Variants in CD22 observed in about 807,000 individuals in gnomAD.
CD22 encodes B-cell receptor CD22.
CD22 carries 51 observed loss-of-function variants against 94.7 expected under a neutral mutation model. That is an observed-to-expected ratio of 0.54 (90% CI 0.43 to 0.68). The LOEUF (loss-of-function observed/expected upper bound fraction) is 0.68. Among genes scored for constraint, CD22 ranks in the 30% least tolerant of loss-of-function variants. The pLI, the probability that CD22 is intolerant of heterozygous loss-of-function variation, is 0.00. For missense variants in CD22, 931 were observed against 1,060.4 expected, an observed-to-expected ratio of 0.88 and a Z score of 1.69; for synonymous variants, 424 against 422.5, an observed-to-expected ratio of 1.00 and a Z score of -0.04.
At position 35,341,238 on chromosome 19, in the gene CD22, AATTGAGGGACAGG is replaced by A. The variant is rs1188434340; in HGVS notation, c.1507+102_1508-91del. The A allele has an allele frequency of 6.3e-7, 1 of 1,597,458 alleles. No homozygotes were observed. Among genetic ancestry groups the A allele is most frequent in the Non-Finnish European group, 8.5e-7 (1 of 1,169,714 alleles). Reference sequence around the variant, plus strand: ...GAGCCTGGGCCAGTGTCTTCAACAGAATTGAGGGACAGGAGCCTGGCGTCAGGGCCAAGGGGAG... The same window carrying A: ...GAGCCTGGGCCAGTGTCTTCAACAGAAGCCTGGCGTCAGGGCCAAGGGGAG... On this transcript the variant is annotated intron_variant, in intron 7 of 13. Coordinates refer to ENST00000085219, the MANE Select transcript of CD22 (RefSeq NM_001771.4). The surrounding 1 kb of genome is among the most constrained non-coding windows in gnomAD (Gnocchi z 4.0).
intron 5 of CD22, 52 bp from the exon 6 acceptor site, chr19:35,338,116 A>G: frequency 6.3e-7 from 1 of 1,576,324 alleles, no homozygotes; most frequent in Non-Finnish European, 8.6e-7. Context: ...CCGTGTGCAC[A>G]GGTTGGGGGT....
chr19:35,341,538 G>A lies in CD22; in HGVS notation c.1703G>A (p.Ser568Asn). 6.2e-7 allele frequency: 1 copy of A among 1,614,132 alleles called. No individual in the cohort carries two copies. Among genetic ancestry groups the A allele is most frequent in the South Asian group, 1.1e-5 (1 of 91,086 alleles). The change falls in exon 8 of 14, where the codon AGT (serine) becomes AAT (asparagine). Residue 568 changes from serine (S) to asparagine (N), a missense_variant. Physicochemically the swap from Ser to Asn is conservative, Grantham distance 46. Coordinates refer to ENST00000085219, the MANE Select transcript of CD22 (RefSeq NM_001771.4). This position sits in a 1 kb window ranked among gnomAD's most constrained non-coding sequence, Gnocchi z 4.0. ...TCCATCTCCCCAGAAGATGCTGGGA[G>A]TTACAGCTGCTGGGTGAACAACTCC... Reference protein sequence around the residue: ...FDSISPEDAGSYSCWVNNSIG... With the variant: ...FDSISPEDAGNYSCWVNNSIG...
intron 6 of CD22, among the ~76,000 whole-genome samples, chr19:35,340,587 C>A (rs1293177860): frequency 1.3e-5 from 2 of 152,136 alleles, no homozygotes; most frequent in Non-Finnish European, 2.9e-5. Context: ...GCCTCAGGAC[C>A]CCATTTGACA....
rs371559984 is a variant in CD22 at position 35,346,202 on chromosome 19, G to A, written c.2379G>A (p.Thr793=). Residue 793 remains threonine (T), a synonymous_variant, in exon 13 of 14, where the codon ACG becomes ACA. Transcript: ENST00000085219. ...GACCTCCCCCGGACTGCGATGACAC[G>A]GTCACTTATTCAGCATTGCACAAGC... ...MQRPPPDCDD[T]VTYSALHKRQ... is the part of the protein sequence containing the mutation. 9 of 1,614,036 alleles carry A rather than the reference G, an allele frequency of 5.6e-6. No individual in the cohort carries two copies. The highest frequency in any genetic ancestry group is 2.7e-5 in the African/African-American group (2 of 75,032).
intron 11 of CD22, 178 bp from the exon 12 acceptor site, chr19:35,345,424 A>C: frequency 3.0e-6 from 1 of 332,452 alleles, no homozygotes; most frequent in Non-Finnish European, 5.5e-6. Context: ...CTGCCTCAAA[A>C]AAAAAAAAAA....
chr19:35,339,548 C>T (rs935898631), intron 6 of CD22, among the ~76,000 whole-genome samples: 1 of 151,166 alleles, frequency 6.6e-6, no homozygotes, highest in African/African-American at 2.4e-5. Flanking sequence ...CTGAGTGAGA[C>T]CTTGTCTCAA....
Position 35,332,097 on chromosome 19 carries a change from G to C in CD22, c.34+23G>C, listed in dbSNP as rs765652015. The C allele has an allele frequency of 3.1e-6, 5 of 1,613,876 alleles. No homozygotes were observed. The Admixed American group carries it at 6.7e-5, about 22-fold the overall frequency. ...TGGGTAAGGACTGTGGCCTGGGCTA[G>C]TACTGGGGTTCTGGGATGTCAGTGG... On this transcript the variant is annotated intron_variant, in intron 2 of 13. Coordinates refer to ENST00000085219, the MANE Select transcript of CD22 (RefSeq NM_001771.4).
chr19:35,337,947 G>A lies in CD22; in HGVS notation c.911G>A (p.Ser304Asn). The A allele has an allele frequency of 6.2e-7, 1 of 1,614,252 alleles. No homozygotes were observed. The change falls in exon 5 of 14, where the codon AGT (serine) becomes AAT (asparagine). Residue 304 changes from serine to asparagine, a missense_variant. Transcript: ENST00000085219. The surrounding 1 kb of genome is among the most constrained non-coding windows in gnomAD (Gnocchi z 4.4). ...CTGCGCGAAGTGACCAAGGACCAGAGTGGGAAGTACTGCTGTCAGGTCTCC... is the reference window on the plus strand; with the variant it reads ...CTGCGCGAAGTGACCAAGGACCAGAATGGGAAGTACTGCTGTCAGGTCTCC... ...LNLREVTKDQ[S>N]GKYCCQVSND...
Position 35,346,123 on chromosome 19 carries a change from G to A in CD22, c.2328-28G>A, listed in dbSNP as rs376786282. Reference sequence around the variant, plus strand: ...AGAGTTCGTGGGAGATGCTTCATGCGTGGTCGTCTATCTGCCCTGTCTCTC... The same window carrying A: ...AGAGTTCGTGGGAGATGCTTCATGCATGGTCGTCTATCTGCCCTGTCTCTC... On this transcript the variant is annotated intron_variant, in intron 12 of 13. Coordinates refer to ENST00000085219, the MANE Select transcript of CD22 (RefSeq NM_001771.4). 9.0e-6 allele frequency: 14 copies of A among 1,559,766 alleles called. No individual in the cohort carries two copies. The African/African-American group carries it at 9.5e-5, about 11-fold the overall frequency.
chr19:35,333,473 T>C (rs748538648), intron 3 of CD22, among the ~76,000 whole-genome samples: 5 of 152,218 alleles, frequency 3.3e-5, no homozygotes, highest in African/African-American at 4.8e-5. Context: ...CACCCCTACA[T>C]GTGCAGTGCC....
intron 13 of CD22, 102 bp downstream of exon 13, chr19:35,346,337 A>T: frequency 8.6e-7 from 1 of 1,169,290 alleles, no homozygotes; most frequent in South Asian, 1.2e-5. Flanking sequence ...TTGGGTAGGC[A>T]TCCGTGGTGG....
In CD22 at chr19:35,332,995, T is replaced by C. The variant is rs1026727042; in HGVS notation, c.412+71T>C. 4 of 1,512,206 alleles carry C rather than the reference T, an allele frequency of 2.6e-6. No individual in the cohort carries two copies. The South Asian group carries it at 3.8e-5, about 14-fold the overall frequency. 93.7% of individuals were successfully genotyped at this position (1,512,206 alleles called of 1,614,324 possible). A position where few individuals can be genotyped will look rare whatever the true frequency, so the allele number is the denominator to read the frequency against. ...TGGGAGGCAGGAAATACCTGACTCC[T>C]GGCACAGAGCTCACAAACCGAGCTT... On this transcript the variant is annotated intron_variant, in intron 3 of 13. Coordinates refer to ENST00000085219, the MANE Select transcript of CD22 (RefSeq NM_001771.4).
rs113404776 is a variant in CD22 at position 35,346,818 on chromosome 19, GCACA to G, written c.*137_*140del. On this transcript the variant is annotated 3_prime_UTR_variant, in exon 14 of 14. Transcript: ENST00000085219. ...CATGTGCGCACACACACACACACACGCACACACACACACACACACTCACTGCGGA... is the reference window on the plus strand; with the variant it reads ...CATGTGCGCACACACACACACACACGCACACACACACACACTCACTGCGGA... 1.3e-3 allele frequency: 843 copies of G among 659,338 alleles called. 1 individual carries two copies. The highest frequency in any genetic ancestry group is 3.1e-3 in the African/African-American group (159 of 51,008). The allele number at this position is 659,338 out of a possible 1,614,324, so 40.8% of individuals were successfully genotyped here. A position where few individuals can be genotyped will look rare whatever the true frequency, so the allele number is the denominator to read the frequency against.
Position 35,341,812 on chromosome 19 carries a change from A to G in CD22, c.1882A>G (p.Thr628Ala), listed in dbSNP as rs1016983888. The change falls in exon 9 of 14, where the codon ACC (threonine) becomes GCC (alanine). Residue 628 changes from threonine to alanine, a missense_variant. Transcript: ENST00000085219. This position sits in a 1 kb window ranked among gnomAD's most constrained non-coding sequence, Gnocchi z 4.0. The part of the protein sequence containing the change: ...SDANPPVSHY[T>A]WFDWNNQSLP... ...CGCCAACCCTCCCGTCTCCCACTACACCTGGTTTGACTGGAATAACCAAAG... is the reference window on the plus strand; with the variant it reads ...CGCCAACCCTCCCGTCTCCCACTACGCCTGGTTTGACTGGAATAACCAAAG... 6.2e-7 allele frequency: 1 copy of G among 1,613,816 alleles called. No individual in the cohort carries two copies.
Position 35,345,712 on chromosome 19 carries a change from A to T in CD22, c.2319A>T (p.Pro773=), listed in dbSNP as rs1324017165. Residue 773 remains proline (P), a synonymous_variant, in exon 12 of 14, where the codon CCA becomes CCT. Coordinates refer to ENST00000085219, the MANE Select transcript of CD22 (RefSeq NM_001771.4). ...TGCGCTTTCCCGAGATGAACATACCACGAACTGGGTACTGAGGGTACCAGG... is the reference window on the plus strand; with the variant it reads ...TGCGCTTTCCCGAGATGAACATACCTCGAACTGGGTACTGAGGGTACCAGG... ...TTLRFPEMNI[P]RTGDAESSEM... The T allele has an allele frequency of 1.2e-6, 2 of 1,602,578 alleles. No individual in the cohort carries two copies. Among genetic ancestry groups the T allele is most frequent in the African/African-American group, 2.7e-5 (2 of 74,688 alleles).
chr19:35,341,041 G>A lies in CD22; in HGVS notation c.1410G>A (p.Leu470=). The A allele has an allele frequency of 1.2e-6, 2 of 1,614,242 alleles. No homozygotes were observed. The highest frequency in any genetic ancestry group is 1.7e-6 in the Non-Finnish European group (2 of 1,180,038). The change falls in exon 7 of 14, where the codon CTG becomes CTA. Residue 470 remains leucine, a synonymous_variant. Transcript: ENST00000085219. This position sits in a 1 kb window ranked among gnomAD's most constrained non-coding sequence, Gnocchi z 4.0. ...GGGAGGAGCCATCGCTTGGGGTGCT[G>A]AAGATCCAAAACGTTGGCTGGGACA... is the stretch of plus-strand genomic sequence containing the variant. ...GAWEEPSLGV[L]KIQNVGWDNT...
intron 4 of CD22, 56 bp downstream of exon 4, chr19:35,336,397 A>T: frequency 6.5e-7 from 1 of 1,532,248 alleles, no homozygotes; most frequent in African/African-American, 1.4e-5. Context: ...CCTTCTCCCC[A>T]GCCCCGCAGG....
In CD22 at chr19:35,337,499, A is replaced by G. The variant is rs1253184318; in HGVS notation, c.719-256A>G. The stretch of plus-strand genomic sequence containing the variant: ...GAGGGTTTGGGATTCTATGCAAAGC[A>G]CAGAACCCGCTCGTGGTTTCCAGCA... On this transcript the variant is annotated intron_variant, in intron 4 of 13. Transcript: ENST00000085219. The surrounding 1 kb of genome is among the most constrained non-coding windows in gnomAD (Gnocchi z 4.4). Among the ~76,000 whole-genome samples, 7 of 152,132 alleles carry G rather than the reference A, an allele frequency of 4.6e-5. No individual in the cohort carries two copies. Among genetic ancestry groups the G allele is most frequent in the Admixed American group, 3.9e-4 (6 of 15,264 alleles).
rs774444210 is a variant in CD22 at position 35,341,696 on chromosome 19, A to ATT, written c.1772-5_1772-4insTT. On this transcript the variant is annotated splice_region_variant and splice_polypyrimidine_tract_variant and intron_variant, in intron 8 of 13. Coordinates refer to ENST00000085219, the MANE Select transcript of CD22 (RefSeq NM_001771.4). This position sits in a 1 kb window ranked among gnomAD's most constrained non-coding sequence, Gnocchi z 4.0. ...TTCGCACCCCCTCCCCCTGCCCGCCATGCAGATGCACCCAGGAGGCTGCGT... is the reference window on the plus strand; with the variant it reads ...TTCGCACCCCCTCCCCCTGCCCGCCATTTGCAGATGCACCCAGGAGGCTGCGT... 3.1e-6 allele frequency: 5 copies of ATT among 1,608,576 alleles called. No homozygotes were observed. In the Admixed American group the frequency reaches 8.3e-5, roughly 27 times the overall value.
Sources: allele counts gnomAD v4.1 joint callset (sites outside exome capture counted in the v4.1 genomes callset), GRCh38; gene constraint gnomAD v4.1.1; non-coding constraint Gnocchi (gnomAD v3.1); transcripts MANE v1.5; gene names NCBI Gene and HGNC (gene_info 2026-07-23, HGNC 2026-07-21).